Variants in BCL2 observed in about 807,000 individuals in gnomAD.
The protein encoded by BCL2 is BCL2 apoptosis regulator.
In BCL2, 1 loss-of-function variant was observed where a neutral mutation model predicts 14.2. That is an observed-to-expected ratio of 0.07 (90% CI 0.02 to 0.33). BCL2 has a LOEUF of 0.33. Ranked by LOEUF, BCL2 falls within the 10% of genes least tolerant of loss-of-function variation. The probability of loss-of-function intolerance (pLI) is 0.99; values close to 1 mark genes in which losing one functional copy is unlikely to be tolerated. For synonymous variants in BCL2, 151 were observed against 137.2 expected, an observed-to-expected ratio of 1.10 and a Z score of -0.70; for missense variants, 247 against 305.9, an observed-to-expected ratio of 0.81 and a Z score of 1.44.
In BCL2 at chr18:63,302,841, G is replaced by A. The variant is rs377619754; in HGVS notation, c.585+15241C>T. The A allele has an allele frequency of 2.2e-5, 22 of 985,310 alleles. No homozygotes were observed. In the East Asian group the frequency reaches 1.0e-3, roughly 46 times the overall value. The allele number at this position is 985,310 out of a possible 1,614,324, so 61.0% of individuals were successfully genotyped here. A position where few individuals can be genotyped will look rare whatever the true frequency, so the allele number is the denominator to read the frequency against. On this transcript the variant is annotated intron_variant, in intron 2 of 2. Coordinates refer to ENST00000333681, the MANE Select transcript of BCL2 (RefSeq NM_000633.3). Reference sequence around the variant, plus strand: ...TCCCTTAGCCCTGCAAATAACACAAGGGCATCCTGTTCAAATGTTATTATG... The same window carrying A: ...TCCCTTAGCCCTGCAAATAACACAAAGGCATCCTGTTCAAATGTTATTATG...
At chr18:63,290,692 T>C (rs1262208508) in intron 2 of BCL2, among the ~76,000 whole-genome samples, 1 of 152,046 alleles carries the variant, frequency 6.6e-6, no homozygotes, top group Non-Finnish European at 1.5e-5. Flanking sequence ...TTTGGAGAGA[T>C]CACCTTTCAT....
chr18:63,246,585 T>A (rs2144200938), intron 2 of BCL2, among the ~76,000 whole-genome samples: 1 of 152,188 alleles, frequency 6.6e-6, no homozygotes, highest in East Asian at 1.9e-4. Context: ...TTCAATTACA[T>A]CCTACCCGCT....
In BCL2 at chr18:63,318,861, A is replaced by G. The variant is rs1191977306; in HGVS notation, c.-195T>C. The G allele has an allele frequency of 5.0e-6, 7 of 1,407,502 alleles. No homozygotes were observed. Among genetic ancestry groups the G allele is most frequent in the Non-Finnish European group, 6.5e-6 (7 of 1,079,340 alleles). The allele number at this position is 1,407,502 out of a possible 1,614,324, so 87.2% of individuals were successfully genotyped here. On this transcript the variant is annotated 5_prime_UTR_variant, in exon 2 of 3. Transcript: ENST00000333681. The surrounding 1 kb of genome is among the most constrained non-coding windows in gnomAD (Gnocchi z 7.4). Reference sequence around the variant, plus strand: ...TTCCCCCTTGGCATGAGATGCAGGAAATTTTTATTCCAATTCCTTTCGGAT... The same window carrying G: ...TTCCCCCTTGGCATGAGATGCAGGAGATTTTTATTCCAATTCCTTTCGGAT...
intron 2 of BCL2, 124 bp downstream of exon 2, chr18:63,317,958 A>G (rs772028186): frequency 8.1e-6 from 12 of 1,482,778 alleles, no homozygotes; most frequent in African/African-American, 1.4e-5. Flanking sequence ...CCGGGAAGCA[A>G]CAACTCTGAT....
rs777747659 is a variant in BCL2, at chr18:63,128,733, G to A, written c.612C>T (p.Pro204=). ...AGAAATCAAACAGAGGCCGCATGCTGGGGCCGTACAGTTCCACAAAGGCAT... is the reference window on the plus strand; with the variant it reads ...AGAAATCAAACAGAGGCCGCATGCTAGGGCCGTACAGTTCCACAAAGGCAT... The part of the protein sequence containing the change: ...GWDAFVELYG[P]SMRPLFDFSW... The change falls in exon 3 of 3, where the codon CCC becomes CCT. Residue 204 remains proline, a synonymous_variant. Transcript: ENST00000333681. 7.7e-6 allele frequency: 6 copies of A among 780,676 alleles called. No homozygotes were observed. The highest frequency in any genetic ancestry group is 1.7e-5 in the Admixed American group (1 of 58,986). The allele number at this position is 780,676 out of a possible 1,614,324, so 48.4% of individuals were successfully genotyped here.
intron 2 of BCL2, among the ~76,000 whole-genome samples, chr18:63,213,894 T>G (rs952473826): frequency 6.6e-6 from 1 of 152,040 alleles, no homozygotes; most frequent in Admixed American, 6.6e-5. Flanking sequence ...CTCAGGGACC[T>G]CTAGGTCCCA....
In BCL2 at chr18:63,191,295, T is replaced by G. The variant is rs185217043; in HGVS notation, c.586-62536A>C. Among the ~76,000 whole-genome samples the G allele has an allele frequency of 2.1e-3, 313 of 152,320 alleles. 2 individuals are homozygous for G. Among genetic ancestry groups the G allele is most frequent in the African/African-American group, 7.2e-3 (300 of 41,576 alleles). ...ATCGCTATACTATCTTCCACAATGGTTCAACTAATTTACATTCCCACCAAC... is the reference window on the plus strand; with the variant it reads ...ATCGCTATACTATCTTCCACAATGGGTCAACTAATTTACATTCCCACCAAC... On this transcript the variant is annotated intron_variant, in intron 2 of 2. Transcript: ENST00000333681.
At chr18:63,140,212 G>T (rs9962963) in intron 2 of BCL2, among the ~76,000 whole-genome samples, 26,904 of 152,174 alleles carry the variant, frequency 0.18, 2,777 homozygotes, top group East Asian at 0.41. Context: ...ATGTAAACTG[G>T]TGCAGCCATT....
At chr18:63,263,496 C>G (rs903168894) in intron 2 of BCL2, among the ~76,000 whole-genome samples, 6 of 152,186 alleles carry the variant, frequency 3.9e-5, no homozygotes, top group African/African-American at 1.4e-4. Context: ...CCTTGAATGG[C>G]CACCACATTG....
chr18:63,204,926 G>A (rs1909794295), intron 2 of BCL2, among the ~76,000 whole-genome samples: 1 of 152,170 alleles, frequency 6.6e-6, no homozygotes, highest in Non-Finnish European at 1.5e-5. Context: ...TATTTTGCAT[G>A]GATGGGCGCT....
intron 2 of BCL2, among the ~76,000 whole-genome samples, chr18:63,139,251 G>A (rs190940735): frequency 1.3e-5 from 2 of 152,302 alleles, no homozygotes; most frequent in African/African-American, 4.8e-5. Context: ...ACGTACTTCT[G>A]AAATAGGTGG....
chr18:63,213,151 T>C (rs1385915859), intron 2 of BCL2, among the ~76,000 whole-genome samples: 1 of 152,144 alleles, frequency 6.6e-6, no homozygotes, highest in Non-Finnish European at 1.5e-5. Context: ...CCTACATAGG[T>C]TGGTTTCAGA....
chr18:63,224,397 G>C (rs536091373), intron 2 of BCL2, among the ~76,000 whole-genome samples: 1 of 152,290 alleles, frequency 6.6e-6, no homozygotes, highest in South Asian at 2.1e-4. Context: ...AAAATCAGAG[G>C]TTCCAGGGGA....
chr18:63,195,582 G>T lies in BCL2; in HGVS notation c.586-66823C>A, dbSNP rs1909424911. The stretch of plus-strand genomic sequence containing the variant: ...TTAAAGACCTGGAGAGGACCACTTG[G>T]GACCTTTTTATTACACCTAGATAAT... On this transcript the variant is annotated intron_variant, in intron 2 of 2. Coordinates refer to ENST00000333681, the MANE Select transcript of BCL2 (RefSeq NM_000633.3). 2.6e-5 allele frequency among the ~76,000 whole-genome samples: 4 copies of T among 152,158 alleles called. No individual in the cohort carries two copies. In the South Asian group the frequency reaches 8.3e-4, roughly 32 times the overall value.
chr18:63,141,171 C>T (rs1178555530), intron 2 of BCL2, among the ~76,000 whole-genome samples: 1 of 152,240 alleles, frequency 6.6e-6, no homozygotes, highest in African/African-American at 2.4e-5. Context: ...AGAAGTCTCT[C>T]TCCGCTCTAC....
At chr18:63,208,349 C>T (rs1349244772) in intron 2 of BCL2, among the ~76,000 whole-genome samples, 1 of 152,174 alleles carries the variant, frequency 6.6e-6, no homozygotes, top group Non-Finnish European at 1.5e-5. Context: ...CCACCCCCGC[C>T]CACCCGGCTC....
intron 2 of BCL2, among the ~76,000 whole-genome samples, chr18:63,140,628 G>T (rs1914330519): frequency 6.6e-6 from 1 of 152,204 alleles, no homozygotes; most frequent in Admixed American, 6.5e-5. Context: ...TGGATTAGAG[G>T]TTCCCAGGAG....
At chr18:63,312,301 C>A (rs35593106) in intron 2 of BCL2, among the ~76,000 whole-genome samples, 48,468 of 152,096 alleles carry the variant, frequency 0.32, 9,662 homozygotes, top group Non-Finnish European at 0.43. Flanking sequence ...GGGGTGGTGG[C>A]ACCTATGAGA....
intron 2 of BCL2, among the ~76,000 whole-genome samples, chr18:63,185,890 A>G (rs1331233796): frequency 6.6e-6 from 1 of 152,226 alleles, no homozygotes; most frequent in East Asian, 1.9e-4. Flanking sequence ...ATCTTTTTCC[A>G]TTACATATGC....
Sources: gnomAD v4.1 joint callset for allele counts (sites outside exome capture counted in the v4.1 genomes callset) on GRCh38, gnomAD v4.1.1 for gene constraint, Gnocchi (gnomAD v3.1) non-coding constraint, MANE v1.5 for transcripts, NCBI Gene and HGNC (gene_info 2026-07-23, HGNC 2026-07-21) for gene names.